LOXHD1: variants seen among roughly 807,000 people sequenced by gnomAD.
The protein encoded by LOXHD1 is lipoxygenase homology domain-containing protein 1.
In LOXHD1, 205 loss-of-function variants were observed where a neutral mutation model predicts 248.2. The ratio of observed to expected loss-of-function variants is 0.83; its 90% CI spans 0.74 to 0.93. The LOEUF is 0.93. LOXHD1 is among the 40% of genes least tolerant of loss of function. The pLI, the probability that LOXHD1 is intolerant of heterozygous loss-of-function variation, is 0.00. For synonymous variants in LOXHD1, 1,113 were observed against 1,162.8 expected, an observed-to-expected ratio of 0.96 and a Z score of 0.87; for missense variants, 2,930 against 2,971.6, an observed-to-expected ratio of 0.99 and a Z score of 0.33.
chr18:46,635,262 C>T (rs474125), intron 4 of LOXHD1, among the ~76,000 whole-genome samples: 1,784 of 152,174 alleles, frequency 0.012, 20 homozygotes, highest in African/African-American at 0.04. Flanking sequence ...TTGACTCAAA[C>T]CAAAGCTGGA....
intron 13 of LOXHD1, 26 bp from the exon 14 acceptor site, chr18:46,577,893 G>A (rs1051127262): frequency 1.9e-6 from 3 of 1,551,094 alleles, no homozygotes; most frequent in Non-Finnish European, 2.6e-6. Context: ...CACAAGGCCA[G>A]TTAGACAGTG....
chr18:46,529,777 A>C (rs181810695), intron 28 of LOXHD1, among the ~76,000 whole-genome samples: 1 of 152,134 alleles, frequency 6.6e-6, no homozygotes, highest in African/African-American at 2.4e-5. Flanking sequence ...CACAGAAAGA[A>C]AATATTTTGT....
chr18:46,500,900 C>T (rs2034184482), intron 37 of LOXHD1, among the ~76,000 whole-genome samples: 1 of 152,190 alleles, frequency 6.6e-6, no homozygotes, highest in Non-Finnish European at 1.5e-5. Context: ...CCTGAGGTTT[C>T]AGCTTAAATA....
intron 4 of LOXHD1, among the ~76,000 whole-genome samples, chr18:46,630,735 A>C (rs1045330431): frequency 1.3e-5 from 2 of 151,232 alleles, no homozygotes; most frequent in African/African-American, 2.4e-5. Context: ...TGTCCTGTGA[A>C]TGTCTCACCA....
intron 4 of LOXHD1, among the ~76,000 whole-genome samples, chr18:46,623,731 G>C (rs568595601): frequency 6.6e-6 from 1 of 152,360 alleles, no homozygotes; most frequent in African/African-American, 2.4e-5. Flanking sequence ...CGAACTGCCT[G>C]CCTGCGCCTG....
chr18:46,560,140 T>C lies in LOXHD1; in HGVS notation c.3004A>G (p.Lys1002Glu). 6.7e-7 allele frequency: 1 copy of C among 1,494,906 alleles called. No homozygotes were observed. Among genetic ancestry groups the C allele is most frequent in the Non-Finnish European group, 9.0e-7 (1 of 1,110,126 alleles). 92.6% of individuals were successfully genotyped at this position (1,494,906 alleles called of 1,614,324 possible). A position where few individuals can be genotyped will look rare whatever the true frequency, so the allele number is the denominator to read the frequency against. ...FEAHRWLARG[K>E]EDNELVVELV... ...TCCACGACAAGTTCGTTGTCCTCCTTGCCCCGGGCCAGCCAGCGGTGGGCT... is the reference window on the plus strand; with the variant it reads ...TCCACGACAAGTTCGTTGTCCTCCTCGCCCCGGGCCAGCCAGCGGTGGGCT... Residue 1002 changes from lysine (K) to glutamate (E), a missense_variant, in exon 19 of 41, where the codon AAG becomes GAG. By Grantham distance (56) the Lys-to-Glu change is moderately conservative. Coordinates refer to ENST00000642948, the MANE Select transcript of LOXHD1 (RefSeq NM_001384474.1).
chr18:46,591,177 CT>C (rs1401044372), intron 12 of LOXHD1, among the ~76,000 whole-genome samples: 1 of 152,042 alleles, frequency 6.6e-6, no homozygotes, highest in Non-Finnish European at 1.5e-5. Context: ...ATATTTTTAC[CT>C]TTTTGTAATG....
chr18:46,559,261 G>A, intron 20 of LOXHD1, 187 bp downstream of exon 20: 2 of 1,524,496 alleles, frequency 1.3e-6, no homozygotes, highest in South Asian at 1.2e-5. Context: ...GGCCCTGCCT[G>A]CAATTCTCTC....
chr18:46,514,829 C>T (rs1052331790), intron 34 of LOXHD1, among the ~76,000 whole-genome samples: 1 of 152,186 alleles, frequency 6.6e-6, no homozygotes, highest in South Asian at 2.1e-4. Context: ...AGGCATGACC[C>T]CTCATAGGCA....
chr18:46,651,488 G>A (rs1312769789), intron 1 of LOXHD1, among the ~76,000 whole-genome samples: 1 of 152,004 alleles, frequency 6.6e-6, no homozygotes, highest in Non-Finnish European at 1.5e-5. Context: ...CCAGCCTGGT[G>A]GAAATTCTAG....
At position 46,524,785 on chromosome 18, in the gene LOXHD1, C is replaced by A. The variant is rs1164686618; in HGVS notation, c.4663G>T (p.Glu1555Ter). The change falls in exon 30 of 41, where the codon GAG (glutamate) becomes TAG (stop). Residue 1555 changes from glutamate (E) to a stop codon, truncating the protein, a stop_gained. Coordinates refer to ENST00000642948, the MANE Select transcript of LOXHD1 (RefSeq NM_001384474.1). LOFTEE classifies it high-confidence loss of function. ...VEIWNDTNED[E>*]FLFLCGRWLS... is the part of the protein sequence containing the mutation. ...CAGCGCCCGCATAGGAACAGGAACT[C>A]GTCCTCGTTGGTGTCATTCCAGATC... 4 of 1,551,654 alleles carry A rather than the reference C, an allele frequency of 2.6e-6. No individual in the cohort carries two copies. The highest frequency in any genetic ancestry group is 2.4e-5 in the East Asian group (1 of 40,910).
intron 10 of LOXHD1, among the ~76,000 whole-genome samples, chr18:46,593,083 A>G (rs1485507951): frequency 6.6e-6 from 1 of 152,246 alleles, no homozygotes; most frequent in Non-Finnish European, 1.5e-5. Context: ...GGGTGCTGAG[A>G]GGAGAGCCTC....
At chr18:46,592,610 A>C in intron 10 of LOXHD1, 26 bp from the exon 11 acceptor site, 1 of 1,525,072 alleles carries the variant, frequency 6.6e-7, no homozygotes, top group Middle Eastern at 1.7e-4. Context: ...AAAACATTTG[A>C]GTGGGCATAA....
chr18:46,521,600 A>G (rs972034412), intron 32 of LOXHD1, among the ~76,000 whole-genome samples: 12 of 152,170 alleles, frequency 7.9e-5, no homozygotes, highest in African/African-American at 2.7e-4. Context: ...AGAGGGCCTC[A>G]TGGTGGGGAA....
At chr18:46,569,762 G>A in intron 15 of LOXHD1, 124 bp from the exon 16 acceptor site, 1 of 727,908 alleles carries the variant, frequency 1.4e-6, no homozygotes, top group South Asian at 2.1e-5. Context: ...GCTGGGAATT[G>A]AAAATCCAGG....
At chr18:46,509,613 T>C (rs1387799111) in intron 35 of LOXHD1, 85 bp downstream of exon 35, 2 of 984,704 alleles carry the variant, frequency 2.0e-6, no homozygotes, top group Admixed American at 2.0e-5. Context: ...ATTTGTGCTT[T>C]AACAAGGTCC....
chr18:46,494,843 C>CTTTT (rs2033727685), intron 37 of LOXHD1, among the ~76,000 whole-genome samples: 1 of 127,306 alleles, frequency 7.9e-6, no homozygotes, highest in Non-Finnish European at 1.7e-5. Flanking sequence ...TCCTTTTTCT[C>CTTTT]TCTCTCTTTT....
chr18:46,517,051 C>T (rs554412744), intron 34 of LOXHD1, among the ~76,000 whole-genome samples: 77 of 152,302 alleles, frequency 5.1e-4, no homozygotes, highest in Non-Finnish European at 9.4e-4. Flanking sequence ...AAGGAAGCCG[C>T]CTGGGTCCTG....
In LOXHD1 at chr18:46,495,147, C is replaced by G. The variant is rs186685190; in HGVS notation, c.5879-6005G>C. On this transcript the variant is annotated intron_variant, in intron 37 of 40. Coordinates refer to ENST00000642948, the MANE Select transcript of LOXHD1 (RefSeq NM_001384474.1). ...GGGATTACAGGCGTGAGCCACCACG[C>G]CCAGCCATGAATTTATATTTTTCAA... Among the ~76,000 whole-genome samples, 3 of 152,284 alleles carry G rather than the reference C, an allele frequency of 2.0e-5. No individual in the cohort carries two copies. The East Asian group carries it at 5.8e-4, about 29-fold the overall frequency.
Sources: allele counts gnomAD v4.1 joint callset (sites outside exome capture counted in the v4.1 genomes callset), GRCh38; gene constraint gnomAD v4.1.1; transcripts MANE v1.5; gene names NCBI Gene and HGNC (gene_info 2026-07-23, HGNC 2026-07-21).